The following SNTB1 variants were observed in gnomAD, a reference collection of about 807,000 sequenced individuals.
The protein encoded by SNTB1 is syntrophin beta 1.
Under a neutral mutation model 48.9 loss-of-function variants are expected in SNTB1, and 36 were observed. That is an observed-to-expected ratio of 0.74 (90% CI 0.56 to 0.97). The LOEUF (loss-of-function observed/expected upper bound fraction) is 0.97. SNTB1 is among the 50% of genes least tolerant of loss of function. SNTB1 has a pLI of 0.00. For missense variants in SNTB1, 786 were observed against 703.4 expected, an observed-to-expected ratio of 1.12 and a Z score of -1.33; for synonymous variants, 299 against 294.6, an observed-to-expected ratio of 1.01 and a Z score of -0.15.
intron 2 of SNTB1, among the ~76,000 whole-genome samples, chr8:120,691,462 T>A (rs544526569): frequency 1.1e-4 from 17 of 152,336 alleles, no homozygotes; most frequent in African/African-American, 4.1e-4. Flanking sequence ...AGAGAGCTGT[T>A]AAGAGGACTA....
chr8:120,576,757 A>T (rs1815958171), intron 3 of SNTB1, among the ~76,000 whole-genome samples: 1 of 152,288 alleles, frequency 6.6e-6, no homozygotes, highest in South Asian at 2.1e-4. Flanking sequence ...CAGTTTCTGG[A>T]TCTGTAAAAT....
chr8:120,667,924 A>G (rs1428715284), intron 2 of SNTB1, among the ~76,000 whole-genome samples: 1 of 152,168 alleles, frequency 6.6e-6, no homozygotes, highest in Non-Finnish European at 1.5e-5. Flanking sequence ...TTCCAGTCCC[A>G]CTGGCAGGAC....
intron 1 of SNTB1, among the ~76,000 whole-genome samples, chr8:120,716,817 C>T (rs1010659325): frequency 1.3e-5 from 2 of 152,074 alleles, no homozygotes; most frequent in Non-Finnish European, 2.9e-5. Flanking sequence ...TTTTTTCTAG[C>T]AGTATTAGGT....
intron 3 of SNTB1, among the ~76,000 whole-genome samples, chr8:120,586,336 T>C (rs915351299): frequency 3.7e-4 from 57 of 152,174 alleles, no homozygotes; most frequent in African/African-American, 1.2e-3. Flanking sequence ...CTTGGTGGTA[T>C]TTGCTATCCT....
intron 1 of SNTB1, among the ~76,000 whole-genome samples, chr8:120,739,452 G>A (rs1472844067): frequency 2.0e-5 from 3 of 152,192 alleles, no homozygotes; most frequent in African/African-American, 4.8e-5. Flanking sequence ...GTCAAAAAAG[G>A]GAATTTCCCA....
intron 3 of SNTB1, among the ~76,000 whole-genome samples, chr8:120,598,284 C>G (rs1212807625): frequency 6.6e-6 from 1 of 152,222 alleles, no homozygotes. Context: ...TGGGTCTCCA[C>G]ATTTCCACAT....
intron 2 of SNTB1, among the ~76,000 whole-genome samples, chr8:120,671,400 G>A (rs73708605): frequency 0.044 from 6,673 of 152,270 alleles, 437 homozygotes; most frequent in African/African-American, 0.14. Context: ...GTTCTTATAA[G>A]AAGAGGAGAG....
intron 1 of SNTB1, among the ~76,000 whole-genome samples, chr8:120,738,312 C>T (rs12545570): frequency 0.061 from 9,257 of 152,212 alleles, 838 homozygotes; most frequent in East Asian, 0.44. Flanking sequence ...CAGATGAAGA[C>T]ATCAACTTTT....
At chr8:120,740,101 G>A (rs1195758891) in intron 1 of SNTB1, among the ~76,000 whole-genome samples, 4 of 152,250 alleles carry the variant, frequency 2.6e-5, no homozygotes, top group Admixed American at 6.5e-5. Context: ...TGGATACTTA[G>A]ATTCTTTAAA....
chr8:120,764,695 T>A (rs1819486167), intron 1 of SNTB1, among the ~76,000 whole-genome samples: 1 of 152,104 alleles, frequency 6.6e-6, no homozygotes, highest in Admixed American at 6.6e-5. Flanking sequence ...GAAAGCTCCA[T>A]CAGTTACTTT....
intron 5 of SNTB1, among the ~76,000 whole-genome samples, chr8:120,546,679 G>A (rs1586987583): frequency 6.6e-6 from 1 of 151,912 alleles, no homozygotes; most frequent in African/African-American, 2.4e-5. Context: ...CATGTTGGCC[G>A]GGCTGATCTC....
At chr8:120,748,804 C>G (rs757800684) in intron 1 of SNTB1, among the ~76,000 whole-genome samples, 1 of 152,116 alleles carries the variant, frequency 6.6e-6, no homozygotes, top group African/African-American at 2.4e-5. Context: ...TAAGAAATAG[C>G]CCAGGCATTG....
chr8:120,561,593 T>C (rs1309371681), intron 4 of SNTB1, among the ~76,000 whole-genome samples: 1 of 152,198 alleles, frequency 6.6e-6, no homozygotes, highest in East Asian at 1.9e-4. Context: ...TTAACTCATA[T>C]ATTCTCTTGT....
At chr8:120,551,251 T>A (rs1815474437) in intron 4 of SNTB1, among the ~76,000 whole-genome samples, 1 of 124,596 alleles carries the variant, frequency 8.0e-6, no homozygotes. Flanking sequence ...TGAGACTCCA[T>A]CTCAAAAAAA....
rs1815208353 is a variant in SNTB1, at chr8:120,536,718, T to G, written c.*2159A>C. On this transcript the variant is annotated 3_prime_UTR_variant, in exon 7 of 7. Coordinates refer to ENST00000517992, the MANE Select transcript of SNTB1 (RefSeq NM_021021.4). ...ATTAAATGTTTATAAATGTAGAGAA[T>G]GTAGTTTCCATTGACCCCCACACAG... 1 of 152,068 alleles carries G rather than the reference T, an allele frequency of 6.6e-6. No individual in the cohort carries two copies. The highest frequency in any genetic ancestry group is 1.5e-5 in the Non-Finnish European group (1 of 67,992). 9.4% of individuals were successfully genotyped at this position (152,068 alleles called of 1,614,324 possible). A position where few individuals can be genotyped will look rare whatever the true frequency, so the allele number is the denominator to read the frequency against.
intron 1 of SNTB1, among the ~76,000 whole-genome samples, chr8:120,755,189 CGAGAGA>C (rs976487997): frequency 2.8e-5 from 4 of 141,624 alleles, no homozygotes; most frequent in South Asian, 2.3e-4. Context: ...AGAGAGAGAG[CGAGAGA>C]GAGAGAAGAA....
In SNTB1 at chr8:120,811,345, C is replaced by A. The variant is rs201764994; in HGVS notation, c.499G>T (p.Asp167Tyr). ...TCGTCGTGGGTGGCGTCCCGCAGGT[C>A]GGCTCCGTTCACGGACAGGATGGCG... The part of the protein sequence containing the change: ...GDAILSVNGA[D>Y]LRDATHDEAV... The change falls in exon 1 of 7, where the codon GAC (aspartate) becomes TAC (tyrosine). Residue 167 changes from aspartate (D) to tyrosine (Y), a missense_variant. Asp to Tyr is a radical substitution (Grantham distance 160, BLOSUM62 -3). Coordinates refer to ENST00000517992, the MANE Select transcript of SNTB1 (RefSeq NM_021021.4). 6 of 1,612,904 alleles carry A rather than the reference C, an allele frequency of 3.7e-6. No individual in the cohort carries two copies. Among genetic ancestry groups the A allele is most frequent in the Non-Finnish European group, 4.2e-6 (5 of 1,179,886 alleles).
At chr8:120,617,357 G>A (rs767189492) in intron 3 of SNTB1, among the ~76,000 whole-genome samples, 40 of 152,144 alleles carry the variant, frequency 2.6e-4, no homozygotes, top group Non-Finnish European at 5.1e-4. Context: ...ATATTTTTGT[G>A]GAATGAGAAA....
chr8:120,589,934 A>G (rs982401370), intron 3 of SNTB1, among the ~76,000 whole-genome samples: 5 of 152,168 alleles, frequency 3.3e-5, no homozygotes, highest in Non-Finnish European at 5.9e-5. Context: ...TAACTCCAAA[A>G]TTATTAGAAG....
Sources: allele counts gnomAD v4.1 joint callset (sites outside exome capture counted in the v4.1 genomes callset), GRCh38; gene constraint gnomAD v4.1.1; transcripts MANE v1.5; gene names NCBI Gene and HGNC (gene_info 2026-07-23, HGNC 2026-07-21).